Variants in PREX2 observed in about 807,000 individuals in gnomAD.
PREX2 encodes the protein phosphatidylinositol 3,4,5-trisphosphate-dependent Rac exchanger 2 protein.
A neutral mutation model predicts 203.2 loss-of-function variants in PREX2; 107 were observed. The ratio of observed to expected loss-of-function variants is 0.53; its 90% CI spans 0.45 to 0.62. PREX2 has a LOEUF of 0.62. Among genes scored for constraint, PREX2 ranks in the 20% least tolerant of loss-of-function variants. The probability of loss-of-function intolerance (pLI) is 0.00; values close to 1 mark genes in which losing one functional copy is unlikely to be tolerated. For synonymous variants in PREX2, 672 were observed against 663.6 expected (o/e 1.01, Z -0.19); for missense variants, 1,777 against 1,955.9 (o/e 0.91, Z 1.72).
chr8:68,211,906 T>C (rs1812749405), intron 37 of PREX2, among the ~76,000 whole-genome samples: 1 of 152,206 alleles, frequency 6.6e-6, no homozygotes, highest in Admixed American at 6.5e-5. Context: ...CTGAAGATGC[T>C]TTGAATACAG....
rs770858159 is a variant in PREX2 at position 68,069,883 on chromosome 8, A to C, written c.1492A>C (p.Arg498=). Residue 498 remains arginine, a splice_region_variant and synonymous_variant, in exon 13 of 40, where the codon AGA becomes CGA. Transcript: ENST00000288368. ...TCATAGCCTTTTTACTCCAGTGATA[A>C]GGTGAGTCTGGTTTTTAAGTTCTGG... ...RLHSLFTPVI[R]DKDYHLRTYK... 6.5e-7 allele frequency: 1 copy of C among 1,531,916 alleles called. No homozygotes were observed. The highest frequency in any genetic ancestry group is 8.9e-7 in the Non-Finnish European group (1 of 1,117,570). 94.9% of individuals were successfully genotyped at this position (1,531,916 alleles called of 1,614,324 possible).
chr8:68,010,547 G>T (rs1807229184), intron 1 of PREX2, among the ~76,000 whole-genome samples: 1 of 152,138 alleles, frequency 6.6e-6, no homozygotes, highest in South Asian at 2.1e-4. Flanking sequence ...ACATTTACTG[G>T]GCCTTATTTG....
At chr8:68,142,308 C>T (rs1811246052) in intron 33 of PREX2, among the ~76,000 whole-genome samples, 1 of 152,144 alleles carries the variant, frequency 6.6e-6, no homozygotes, top group African/African-American at 2.4e-5. Context: ...CCACTCTGCA[C>T]CCAACCCCTG....
Position 68,134,130 on chromosome 8 carries a change from G to C in PREX2, c.3838G>C (p.Glu1280Gln). ...TGTGGCCACTGTCTGTGCCTTCTCT[G>C]AGCAGCTCATGGCGGCCTTGAACCA... ...TLVATVCAFS[E>Q]QLMAALNQMF... Residue 1280 changes from glutamate (E) to glutamine (Q), a missense_variant, in exon 32 of 40, where the codon GAG becomes CAG. By Grantham distance (29) the Glu-to-Gln change is conservative. Transcript: ENST00000288368. 6.2e-7 allele frequency: 1 copy of C among 1,614,102 alleles called. No homozygotes were observed. The highest frequency in any genetic ancestry group is 8.5e-7 in the Non-Finnish European group (1 of 1,180,016).
chr8:68,106,232 G>T, intron 23 of PREX2: 1 of 469,072 alleles, frequency 2.1e-6, no homozygotes, highest in Admixed American at 2.6e-5. Context: ...CTTTATTTGT[G>T]CCATGGGTGC....
intron 37 of PREX2, among the ~76,000 whole-genome samples, chr8:68,205,468 G>A (rs1216287113): frequency 1.3e-5 from 2 of 152,178 alleles, no homozygotes; most frequent in Non-Finnish European, 2.9e-5. Context: ...AATAAGGTGG[G>A]AAAGTCAATA....
At position 67,952,224 on chromosome 8, in the gene PREX2, C is replaced by T; in HGVS notation, c.-171C>T. 1 of 497,914 alleles carries T rather than the reference C, an allele frequency of 2.0e-6. No individual in the cohort carries two copies. The highest frequency in any genetic ancestry group is 3.1e-6 in the Non-Finnish European group (1 of 321,978). The allele number at this position is 497,914 out of a possible 1,614,324, so 30.8% of individuals were successfully genotyped here. A position where few individuals can be genotyped will look rare whatever the true frequency, so the allele number is the denominator to read the frequency against. ...CCGCGCCGGGATTTCAGCCCGATCC[C>T]CTCCTCTCCCTGCGCCCAGCCTCTC... is the stretch of plus-strand genomic sequence containing the variant. On this transcript the variant is annotated 5_prime_UTR_variant, in exon 1 of 40. Transcript: ENST00000288368.
At chr8:68,180,589 T>C (rs1469907796) in intron 35 of PREX2, among the ~76,000 whole-genome samples, 1 of 151,992 alleles carries the variant, frequency 6.6e-6, no homozygotes, top group South Asian at 2.1e-4. Context: ...GCTTATGGGA[T>C]AGGCAGTGAA....
Position 68,066,422 on chromosome 8 carries a change from G to A in PREX2, c.1340-2611G>A, listed in dbSNP as rs139801445. Among the ~76,000 whole-genome samples the A allele has an allele frequency of 8.0e-3, 1,212 of 152,156 alleles. 7 individuals are homozygous for A. Among genetic ancestry groups the A allele is most frequent in the Non-Finnish European group, 0.014 (932 of 67,940 alleles). ...ATAATAGCCATCCTAAGAGGTGTGA[G>A]ATTATATCTGATTATAGTTTCGATT... On this transcript the variant is annotated intron_variant, in intron 11 of 39. Coordinates refer to ENST00000288368, the MANE Select transcript of PREX2 (RefSeq NM_024870.4).
rs374725610 is a variant in PREX2, at chr8:68,009,105, G to A, written c.142-8741G>A. On this transcript the variant is annotated intron_variant, in intron 1 of 39. Coordinates refer to ENST00000288368, the MANE Select transcript of PREX2 (RefSeq NM_024870.4). ...TATGAGATGAAGGAGGGGAGTAGCC[G>A]TCGGGCAGCGACAGATCTTCAGGTT... is the stretch of plus-strand genomic sequence containing the variant. Among the ~76,000 whole-genome samples, 49 of 152,256 alleles carry A rather than the reference G, an allele frequency of 3.2e-4. 2 individuals are homozygous for A. In the South Asian group the frequency reaches 7.5e-3, roughly 23 times the overall value.
intron 4 of PREX2, among the ~76,000 whole-genome samples, chr8:68,026,894 C>CAACCATATGATA (rs1449348200): frequency 6.6e-6 from 1 of 152,036 alleles, no homozygotes; most frequent in African/African-American, 2.4e-5. Flanking sequence ...ATTTATGTGT[C>CAACCATATGATA]AACCATCTGT....
chr8:68,065,502 A>G (rs1808990982), intron 11 of PREX2, among the ~76,000 whole-genome samples: 1 of 152,182 alleles, frequency 6.6e-6, no homozygotes, highest in African/African-American at 2.4e-5. Flanking sequence ...GTCATAAGCC[A>G]TGTAGAACGT....
chr8:68,132,672 G>A (rs1811031319), intron 31 of PREX2, among the ~76,000 whole-genome samples: 1 of 152,016 alleles, frequency 6.6e-6, no homozygotes, highest in Non-Finnish European at 1.5e-5. Context: ...GCTCACCACT[G>A]AATAAAGTCA....
chr8:68,211,573 G>A, intron 37 of PREX2, among the ~76,000 whole-genome samples: 1 of 152,172 alleles, frequency 6.6e-6, no homozygotes, highest in East Asian at 1.9e-4. Flanking sequence ...CAGTACACCT[G>A]CTTTCCTCAA....
chr8:68,061,725 T>C (rs1157225446), intron 11 of PREX2, among the ~76,000 whole-genome samples: 1 of 152,194 alleles, frequency 6.6e-6, no homozygotes, highest in Non-Finnish European at 1.5e-5. Flanking sequence ...GGCTTTGCTG[T>C]GGACCGTGTA....
In PREX2 at chr8:67,974,330, A is replaced by G. The variant is rs552596005; in HGVS notation, c.141+21795A>G. 5.2e-3 allele frequency among the ~76,000 whole-genome samples: 787 copies of G among 152,304 alleles called. 8 individuals are homozygous for G. The highest frequency in any genetic ancestry group is 0.018 in the African/African-American group (743 of 41,568). ...AACAACATGATTGCCATGAAAAAAG[A>G]AAAGAGAGAAAAAAAGTAAAAGAAA... On this transcript the variant is annotated intron_variant, in intron 1 of 39. Coordinates refer to ENST00000288368, the MANE Select transcript of PREX2 (RefSeq NM_024870.4).
At chr8:68,102,826 G>A (rs760222604) in intron 23 of PREX2, 3 of 518,572 alleles carry the variant, frequency 5.8e-6, no homozygotes, top group Non-Finnish European at 1.2e-5. Context: ...ACAGGCCACA[G>A]ATGTTTTTTG....
intron 37 of PREX2, among the ~76,000 whole-genome samples, chr8:68,199,443 G>A (rs10088548): frequency 0.39 from 58,778 of 152,022 alleles, 12,259 homozygotes; most frequent in Non-Finnish European, 0.47. Flanking sequence ...TGCAGACTGG[G>A]GTTGAATTAC....
Position 68,231,273 on chromosome 8 carries a change from G to T in PREX2, c.4776-60G>T, listed in dbSNP as rs1359689574. 4.9e-6 allele frequency: 6 copies of T among 1,221,394 alleles called. No homozygotes were observed. In the East Asian group the frequency reaches 1.4e-4, roughly 28 times the overall value. The allele number at this position is 1,221,394 out of a possible 1,614,324, so 75.7% of individuals were successfully genotyped here. On this transcript the variant is annotated intron_variant, in intron 39 of 39. Coordinates refer to ENST00000288368, the MANE Select transcript of PREX2 (RefSeq NM_024870.4). ...TCAATGTATTTGTTCTACCAATAAAGACACCTCATGTAATGGTAATACACT... is the reference window on the plus strand; with the variant it reads ...TCAATGTATTTGTTCTACCAATAAATACACCTCATGTAATGGTAATACACT...
Sources: gnomAD v4.1 joint callset for allele counts (sites outside exome capture counted in the v4.1 genomes callset) on GRCh38, gnomAD v4.1.1 for gene constraint, MANE v1.5 for transcripts, NCBI Gene and HGNC (gene_info 2026-07-23, HGNC 2026-07-21) for gene names.